Variants in KIAA1217 observed in about 807,000 individuals in gnomAD.
KIAA1217 encodes the protein KIAA1217.
In KIAA1217, 88 loss-of-function variants were observed where a neutral mutation model predicts 163.9. The ratio of observed to expected loss-of-function variants is 0.54; its 90% CI spans 0.45 to 0.64. The LOEUF is 0.64. KIAA1217 is among the 30% of genes least tolerant of loss of function. KIAA1217 has a pLI of 0.00. For missense variants in KIAA1217, 2,372 were observed against 2,475.0 expected (o/e 0.96, Z 0.88); for synonymous variants, 903 against 923.1 (o/e 0.98, Z 0.39).
In KIAA1217 at chr10:23,894,815, A is replaced by G. The variant is rs529676759; in HGVS notation, c.-320-112410A>G. Among the ~76,000 whole-genome samples, 15 of 151,530 alleles carry G rather than the reference A, an allele frequency of 9.9e-5. No individual in the cohort carries two copies. The South Asian group carries it at 2.9e-3, about 30-fold the overall frequency. ...GAGATATAGATCAATGGAACAGAAC[A>G]GAGCCCTCAGAAATAACACCACATA... On this transcript the variant is annotated intron_variant, in intron 1 of 18. Transcript: ENST00000376462.
intron 2 of KIAA1217, among the ~76,000 whole-genome samples, chr10:24,098,777 G>C (rs994807634): frequency 6.7e-6 from 1 of 150,104 alleles, no homozygotes; most frequent in Non-Finnish European, 1.5e-5. Context: ...GAGACAGACA[G>C]ACACACAGGG....
At chr10:23,803,708 A>G (rs1373471526) in intron 1 of KIAA1217, among the ~76,000 whole-genome samples, 1 of 152,148 alleles carries the variant, frequency 6.6e-6, no homozygotes, top group Non-Finnish European at 1.5e-5. Flanking sequence ...AAATCAGTGA[A>G]AGATTACTTT....
At chr10:24,448,565 C>T (rs2061149144) in intron 5 of KIAA1217, among the ~76,000 whole-genome samples, 1 of 152,186 alleles carries the variant, frequency 6.6e-6, no homozygotes, top group African/African-American at 2.4e-5. Flanking sequence ...TTTCTGAATT[C>T]TTTGTAGAGA....
At chr10:23,903,866 G>T (rs1451008592) in intron 1 of KIAA1217, among the ~76,000 whole-genome samples, 1 of 152,012 alleles carries the variant, frequency 6.6e-6, no homozygotes, top group East Asian at 1.9e-4. Flanking sequence ...TATATTAAAT[G>T]AAAAAGAAAT....
At chr10:24,449,434 C>G in intron 5 of KIAA1217, 1 of 984,610 alleles carries the variant, frequency 1.0e-6, no homozygotes, top group Non-Finnish European at 1.2e-6. Flanking sequence ...CCAGACAGAA[C>G]ACATGGAAGA....
At chr10:24,437,190 G>A (rs2060114925) in intron 4 of KIAA1217, among the ~76,000 whole-genome samples, 1 of 152,092 alleles carries the variant, frequency 6.6e-6, no homozygotes, top group South Asian at 2.1e-4. Context: ...CAAATGGGGA[G>A]CTCCTTTAGT....
At chr10:24,005,116 A>T (rs1846934764) in intron 1 of KIAA1217, among the ~76,000 whole-genome samples, 1 of 152,192 alleles carries the variant, frequency 6.6e-6, no homozygotes, top group South Asian at 2.1e-4. Flanking sequence ...GGGATTTGGG[A>T]TCAGGCTTCT....
At chr10:23,946,040 GTGGTTTTTGCCATTAATAGTTA>G (rs1417263988) in intron 1 of KIAA1217, among the ~76,000 whole-genome samples, 2 of 152,088 alleles carry the variant, frequency 1.3e-5, no homozygotes, top group Admixed American at 6.6e-5. Flanking sequence ...AATAGTAATT[GTGGTTTTTGCCATTAATAGTTA>G]TGGTTTTTGC....
At chr10:23,894,647 G>A (rs1381480783) in intron 1 of KIAA1217, among the ~76,000 whole-genome samples, 3 of 149,736 alleles carry the variant, frequency 2.0e-5, no homozygotes. Context: ...CTACTTTAAA[G>A]TTCATATGGA....
At chr10:23,737,171 A>T (rs569155468) in intron 1 of KIAA1217, among the ~76,000 whole-genome samples, 1 of 152,144 alleles carries the variant, frequency 6.6e-6, no homozygotes, top group Non-Finnish European at 1.5e-5. Context: ...TGGAAGGCAA[A>T]TAGTGTGTTT....
intron 1 of KIAA1217, among the ~76,000 whole-genome samples, chr10:23,852,132 G>A (rs1031703778): frequency 6.6e-6 from 1 of 152,080 alleles, no homozygotes; most frequent in East Asian, 1.9e-4. Flanking sequence ...TTCTTCTAGG[G>A]TTTTTATGGT....
At chr10:24,311,216 C>T (rs764249317) in intron 2 of KIAA1217, among the ~76,000 whole-genome samples, 8 of 152,154 alleles carry the variant, frequency 5.3e-5, no homozygotes, top group Non-Finnish European at 8.8e-5. Flanking sequence ...ACCTCAGGAT[C>T]GGACATGTGT....
At chr10:24,459,681 G>A (rs2132547977) in intron 5 of KIAA1217, among the ~76,000 whole-genome samples, 1 of 152,290 alleles carries the variant, frequency 6.6e-6, no homozygotes, top group South Asian at 2.1e-4. Context: ...CTAGCACTCT[G>A]GGAGGCCTAG....
intron 2 of KIAA1217, among the ~76,000 whole-genome samples, chr10:24,373,268 C>T (rs562708013): frequency 5.9e-5 from 9 of 152,262 alleles, no homozygotes; most frequent in South Asian, 4.2e-4. Flanking sequence ...AGAGCACCAT[C>T]GCCACCACTG....
intron 1 of KIAA1217, among the ~76,000 whole-genome samples, chr10:23,895,778 G>T (rs1310064722): frequency 6.6e-6 from 1 of 151,894 alleles, no homozygotes; most frequent in Non-Finnish European, 1.5e-5. Flanking sequence ...TTAAGAAAAT[G>T]TGGCACATAT....
chr10:24,535,255 AG>A (rs1314313461), intron 16 of KIAA1217, among the ~76,000 whole-genome samples: 6 of 152,200 alleles, frequency 3.9e-5, no homozygotes, highest in Non-Finnish European at 5.9e-5. Flanking sequence ...GGTATGACTA[AG>A]GAACAGCAAG....
At chr10:24,302,984 A>G (rs939402039) in intron 2 of KIAA1217, among the ~76,000 whole-genome samples, 1 of 152,082 alleles carries the variant, frequency 6.6e-6, no homozygotes, top group Non-Finnish European at 1.5e-5. Flanking sequence ...AAAGGCTTGA[A>G]TTTTTACTCT....
chr10:24,396,718 T>C (rs1432977911), intron 3 of KIAA1217, among the ~76,000 whole-genome samples: 1 of 152,070 alleles, frequency 6.6e-6, no homozygotes, highest in Non-Finnish European at 1.5e-5. Context: ...GCCTGGAGCA[T>C]TCAAGGAACA....
chr10:24,200,384 C>T (rs974601119), intron 2 of KIAA1217, among the ~76,000 whole-genome samples: 1 of 151,988 alleles, frequency 6.6e-6, no homozygotes, highest in Non-Finnish European at 1.5e-5. Flanking sequence ...AACTTCTGGG[C>T]TGAAGTGATC....
Sources: gnomAD v4.1 joint callset for allele counts (sites outside exome capture counted in the v4.1 genomes callset) on GRCh38, gnomAD v4.1.1 for gene constraint, MANE v1.5 for transcripts, NCBI Gene and HGNC (gene_info 2026-07-23, HGNC 2026-07-21) for gene names.